The following SLC60A2 variants were observed in gnomAD, a reference collection of about 807,000 sequenced individuals.
SLC60A2 encodes the protein major facilitator superfamily domain containing 4B.
At chr6:111,279,716 A>G in the SLC60A2 span, among the ~76,000 whole-genome samples, 55 of 152,268 alleles carry the variant, frequency 3.6e-4, no homozygotes, top group African/African-American at 1.2e-3. Flanking sequence ...TCACCAGTCA[A>G]TTTTGATTTG....
At chr6:111,266,954 G>A in the SLC60A2 span, 1 of 1,614,038 alleles carries the variant, frequency 6.2e-7, no homozygotes, top group Non-Finnish European at 8.5e-7. Flanking sequence ...ATACAATGAG[G>A]CATTCTATAA....
chr6:111,262,553 A>G, the SLC60A2 span: 19 of 807,762 alleles, frequency 2.4e-5, no homozygotes, highest in African/African-American at 3.4e-5. Context: ...GGTGTCCTCA[A>G]TGGCAGTTGA....
At chr6:111,276,129 A>G in the SLC60A2 span, among the ~76,000 whole-genome samples, 1 of 152,214 alleles carries the variant, frequency 6.6e-6, no homozygotes, top group Non-Finnish European at 1.5e-5. Flanking sequence ...TAAGTCTATG[A>G]TACACCATTG....
At chr6:111,275,341 T>G in the SLC60A2 span, among the ~76,000 whole-genome samples, 102,242 of 151,914 alleles carry the variant, frequency 0.67, 37,718 homozygotes, top group Non-Finnish European at 0.82. Flanking sequence ...TTAACCAGTG[T>G]CCTGGAGGAA....
chr6:111,264,290 T>C, the SLC60A2 span, among the ~76,000 whole-genome samples: 1 of 152,162 alleles, frequency 6.6e-6, no homozygotes, highest in Non-Finnish European at 1.5e-5. Flanking sequence ...ATGGGAGGAA[T>C]TGGTGGTTTA....
chr6:111,265,138 G>A, the SLC60A2 span: 15,272 of 277,278 alleles, frequency 0.055, 1,018 homozygotes, highest in African/African-American at 0.2. Context: ...CCTAAAACCA[G>A]CTTTCTACCC....
At chr6:111,276,788 C>G in the SLC60A2 span, among the ~76,000 whole-genome samples, 2 of 152,226 alleles carry the variant, frequency 1.3e-5, no homozygotes, top group Non-Finnish European at 2.9e-5. Context: ...CTCTCTGCCT[C>G]TCTCACAGCA....
the SLC60A2 span, among the ~76,000 whole-genome samples, chr6:111,262,836 T>G: frequency 6.6e-6 from 1 of 152,122 alleles, no homozygotes; most frequent in Non-Finnish European, 1.5e-5. Context: ...GAAGCGAGGT[T>G]GGGTGGACTG....
the SLC60A2 span, among the ~76,000 whole-genome samples, chr6:111,271,427 T>TA: frequency 1.3e-5 from 2 of 152,070 alleles, no homozygotes; most frequent in African/African-American, 4.8e-5. Context: ...GAAAAGTTCT[T>TA]ACATTTCTCA....
At chr6:111,274,391 A>C in the SLC60A2 span, among the ~76,000 whole-genome samples, 4 of 152,132 alleles carry the variant, frequency 2.6e-5, no homozygotes, top group African/African-American at 9.7e-5. Flanking sequence ...ATGTGTGTTT[A>C]CGGGTGAAGT....
chr6:111,263,938 T>G, the SLC60A2 span: 1 of 1,548,082 alleles, frequency 6.5e-7, no homozygotes, highest in Non-Finnish European at 8.9e-7. Context: ...ATTGGCATTC[T>G]GGATACAGGT....
At chr6:111,260,160 C>T in the SLC60A2 span, among the ~76,000 whole-genome samples, 5 of 152,196 alleles carry the variant, frequency 3.3e-5, no homozygotes, top group Admixed American at 6.5e-5. Flanking sequence ...ATCCGCCCAC[C>T]TCGGCCTCCC....
chr6:111,272,025 A>G, the SLC60A2 span, among the ~76,000 whole-genome samples: 1 of 152,078 alleles, frequency 6.6e-6, no homozygotes, highest in Admixed American at 6.6e-5. Flanking sequence ...TCAGTCCCCA[A>G]TCCTGCTACT....
the SLC60A2 span, among the ~76,000 whole-genome samples, chr6:111,261,030 A>G: frequency 6.6e-6 from 1 of 152,122 alleles, no homozygotes; most frequent in Non-Finnish European, 1.5e-5. Flanking sequence ...TTTTTTCTTT[A>G]AATGTCCAAT....
chr6:111,262,358 G>A, the SLC60A2 span: 1 of 1,614,132 alleles, frequency 6.2e-7, no homozygotes, highest in Non-Finnish European at 8.5e-7. Flanking sequence ...GTCGTGCCTT[G>A]GGATATTTGA....
At chr6:111,268,550 CTA>C in the SLC60A2 span, 2 of 152,170 alleles carry the variant, frequency 1.3e-5, no homozygotes. Context: ...TTTGGAGACA[CTA>C]TGTTCTAATT....
the SLC60A2 span, chr6:111,262,429 AGTAAAT>A: frequency 6.2e-7 from 1 of 1,608,154 alleles, no homozygotes; most frequent in Non-Finnish European, 8.5e-7. Context: ...CTTTTGGGTA[AGTAAAT>A]GCTAATTTTA....
chr6:111,266,971 C>T, the SLC60A2 span: 1 of 1,614,182 alleles, frequency 6.2e-7, no homozygotes, highest in Admixed American at 1.7e-5. Context: ...ATAATAGAGA[C>T]ATCTAGAAGT....
chr6:111,262,430 G>A, the SLC60A2 span: 2 of 1,607,912 alleles, frequency 1.2e-6, no homozygotes, highest in Non-Finnish European at 1.7e-6. Flanking sequence ...TTTTGGGTAA[G>A]TAAATGCTAA....
Sources: allele counts gnomAD v4.1 joint callset (sites outside exome capture counted in the v4.1 genomes callset), GRCh38; gene constraint gnomAD v4.1.1; transcripts MANE v1.5; gene names NCBI Gene and HGNC (gene_info 2026-07-23, HGNC 2026-07-21).